NALF1: variants seen among roughly 807,000 people sequenced by gnomAD.
NALF1 encodes the protein NALCN channel auxiliary factor 1.
Under a neutral mutation model 48.4 loss-of-function variants are expected in NALF1, and 3 were observed. That is an observed-to-expected ratio of 0.06 (90% CI 0.03 to 0.16). The LOEUF (loss-of-function observed/expected upper bound fraction) is 0.16, where lower values mean the gene tolerates loss of function less well. Ranked by LOEUF, NALF1 falls within the 10% of genes least tolerant of loss-of-function variation. The pLI, the probability that NALF1 is intolerant of heterozygous loss-of-function variation, is 1.00. For missense variants in NALF1, 526 were observed against 571.5 expected (o/e 0.92, Z 0.81); for synonymous variants, 262 against 245.7 (o/e 1.07, Z -0.62).
At chr13:107,369,132 CT>C (rs1366161176) in intron 1 of NALF1, among the ~76,000 whole-genome samples, 1 of 152,188 alleles carries the variant, frequency 6.6e-6, no homozygotes, top group African/African-American at 2.4e-5. Context: ...TCCATAGCCC[CT>C]TATGTACTAC....
intron 1 of NALF1, among the ~76,000 whole-genome samples, chr13:107,431,459 C>T (rs538077857): frequency 6.6e-6 from 1 of 152,302 alleles, no homozygotes; most frequent in African/African-American, 2.4e-5. Flanking sequence ...TTCTCCTTGC[C>T]TAATGCCATG....
intron 1 of NALF1, among the ~76,000 whole-genome samples, chr13:107,597,372 T>C (rs1878783671): frequency 6.6e-6 from 1 of 152,160 alleles, no homozygotes; most frequent in Non-Finnish European, 1.5e-5. Flanking sequence ...ATGCTTTCTG[T>C]ACAAGATTTA....
At chr13:107,711,483 G>T (rs972925658) in intron 1 of NALF1, among the ~76,000 whole-genome samples, 3 of 152,192 alleles carry the variant, frequency 2.0e-5, no homozygotes, top group African/African-American at 7.2e-5. Flanking sequence ...CTACAAGCAT[G>T]CACCACCACG....
At chr13:107,698,781 C>T (rs1305252004) in intron 1 of NALF1, among the ~76,000 whole-genome samples, 4 of 152,030 alleles carry the variant, frequency 2.6e-5, no homozygotes, top group Admixed American at 6.6e-5. Context: ...CTGACTCTAA[C>T]GAGATATGAG....
chr13:107,451,025 G>A (rs1884730855), intron 1 of NALF1, among the ~76,000 whole-genome samples: 1 of 152,172 alleles, frequency 6.6e-6, no homozygotes, highest in South Asian at 2.1e-4. Flanking sequence ...CAAAGGATGT[G>A]AACCTTCTGA....
chr13:107,177,691 T>C (rs1414158802), intron 2 of NALF1, among the ~76,000 whole-genome samples: 2 of 152,164 alleles, frequency 1.3e-5, no homozygotes, highest in African/African-American at 4.8e-5. Context: ...TAGATATCCA[T>C]ATGCAGAAGA....
In NALF1 at chr13:107,866,224, C is replaced by T. The variant is rs548984312; in HGVS notation, c.373G>A (p.Ala125Thr). 3.1e-6 allele frequency: 5 copies of T among 1,594,872 alleles called. No homozygotes were observed. The East Asian group carries it at 9.0e-5, about 29-fold the overall frequency. ...GGGGGCAGGGTGGGGGACGAGGAGG[C>T]GGAGAGGAGTCTGTGTGCCTGGGCG... is the stretch of plus-strand genomic sequence containing the variant. ...PAAQAHRLLS[A>T]SSSPTLPPSP... The change falls in exon 1 of 3, where the codon GCC becomes ACC. Residue 125 changes from alanine to threonine, a missense_variant. By Grantham distance (58) the Ala-to-Thr change is moderately conservative. Transcript: ENST00000375915. This position sits in a 1 kb window ranked among gnomAD's most constrained non-coding sequence, Gnocchi z 4.4.
intron 1 of NALF1, among the ~76,000 whole-genome samples, chr13:107,796,225 G>C (rs1878421380): frequency 6.6e-6 from 1 of 152,018 alleles, no homozygotes; most frequent in African/African-American, 2.4e-5. Context: ...TATGTAGTTT[G>C]GGTCTTCTAA....
At chr13:107,243,022 T>C (rs1283985952) in intron 1 of NALF1, among the ~76,000 whole-genome samples, 2 of 152,104 alleles carry the variant, frequency 1.3e-5, no homozygotes, top group Admixed American at 6.5e-5. Flanking sequence ...CCAGTGCGAT[T>C]CATCTCCACA....
At chr13:107,434,624 G>A (rs1045693444) in intron 1 of NALF1, among the ~76,000 whole-genome samples, 6 of 152,222 alleles carry the variant, frequency 3.9e-5, no homozygotes, top group East Asian at 1.9e-4. Flanking sequence ...AGAGCTATGC[G>A]AAGAGGCAGC....
At chr13:107,545,796 A>T (rs777357992) in intron 1 of NALF1, among the ~76,000 whole-genome samples, 17 of 152,048 alleles carry the variant, frequency 1.1e-4, no homozygotes, top group Non-Finnish European at 1.9e-4. Flanking sequence ...AAAGAAAGCC[A>T]TTGGGTGGAT....
At chr13:107,854,880 A>G (rs900562142) in intron 1 of NALF1, among the ~76,000 whole-genome samples, 3 of 151,488 alleles carry the variant, frequency 2.0e-5, no homozygotes, top group Non-Finnish European at 4.4e-5. Context: ...AAAAAAAAAA[A>G]AAAGAAAAAA....
chr13:107,818,789 G>A (rs3858809), intron 1 of NALF1, among the ~76,000 whole-genome samples: 42,174 of 127,326 alleles, frequency 0.33, 9,435 homozygotes, highest in East Asian at 0.8. Flanking sequence ...GGAGAATGAC[G>A]TGAACCCGGG....
intron 1 of NALF1, among the ~76,000 whole-genome samples, chr13:107,310,230 T>C (rs1429555930): frequency 1.3e-5 from 2 of 151,986 alleles, no homozygotes; most frequent in African/African-American, 4.8e-5. Flanking sequence ...GCCAACATGG[T>C]GAAACCCTGT....
intron 1 of NALF1, among the ~76,000 whole-genome samples, chr13:107,658,484 C>T (rs1236726502): frequency 6.6e-6 from 1 of 152,094 alleles, no homozygotes; most frequent in East Asian, 1.9e-4. Context: ...AACTGTACTT[C>T]AGGTTGAATA....
chr13:107,195,065 C>T (rs1879362320), intron 2 of NALF1, among the ~76,000 whole-genome samples: 2 of 152,152 alleles, frequency 1.3e-5, no homozygotes, highest in Admixed American at 1.3e-4. Flanking sequence ...AGTCAAAAAA[C>T]AATAGATGTT....
At chr13:107,475,894 T>G (rs961388618) in intron 1 of NALF1, among the ~76,000 whole-genome samples, 7 of 152,102 alleles carry the variant, frequency 4.6e-5, no homozygotes, top group African/African-American at 1.7e-4. Flanking sequence ...CAAATACAAT[T>G]TCCCTCTTTT....
intron 1 of NALF1, among the ~76,000 whole-genome samples, chr13:107,598,819 T>C (rs1878832806): frequency 6.6e-6 from 1 of 152,112 alleles, no homozygotes; most frequent in Non-Finnish European, 1.5e-5. Flanking sequence ...GCCTTCTCCC[T>C]CCATTATCAT....
At chr13:107,565,384 CA>C (rs10631309) in intron 1 of NALF1, among the ~76,000 whole-genome samples, 27 of 119,462 alleles carry the variant, frequency 2.3e-4, no homozygotes, top group African/African-American at 4.2e-4. Flanking sequence ...GACCTTATCT[CA>C]AAAAAAAAAA....
Sources: allele counts gnomAD v4.1 joint callset (sites outside exome capture counted in the v4.1 genomes callset), GRCh38; gene constraint gnomAD v4.1.1; non-coding constraint Gnocchi (gnomAD v3.1); transcripts MANE v1.5; gene names NCBI Gene and HGNC (gene_info 2026-07-23, HGNC 2026-07-21).